Variants in SCARA5 observed in about 807,000 individuals in gnomAD.
SCARA5 encodes the protein scavenger receptor class A member 5.
SCARA5 carries 45 observed loss-of-function variants against 46.3 expected under a neutral mutation model. The observed-to-expected ratio is 0.97, with a 90% CI of 0.76 to 1.24. The LOEUF (loss-of-function observed/expected upper bound fraction) is 1.24, where lower values mean the gene tolerates loss of function less well. SCARA5 is among the 50% of genes most tolerant of loss of function. The pLI is 0.00. For synonymous variants in SCARA5, 333 were observed against 306.5 expected, an observed-to-expected ratio of 1.09 and a Z score of -0.90; for missense variants, 680 against 689.0, an observed-to-expected ratio of 0.99 and a Z score of 0.15.
At chr8:27,982,675 G>T (rs150818248) in intron 2 of SCARA5, among the ~76,000 whole-genome samples, 1 of 152,124 alleles carries the variant, frequency 6.6e-6, no homozygotes, top group Non-Finnish European at 1.5e-5. Context: ...AGGTGGCCCC[G>T]CCCAGGCATG....
At chr8:27,932,122 G>A (rs1807783936) in intron 3 of SCARA5, among the ~76,000 whole-genome samples, 1 of 152,102 alleles carries the variant, frequency 6.6e-6, no homozygotes, top group African/African-American at 2.4e-5. Context: ...TGGGACTACA[G>A]GCGTGCACCA....
rs1477928450 is a variant in SCARA5, at chr8:27,871,107, A to G, written c.*827T>C. ...GCACCCAAGCTTTTAGCTCAGGCCAAGTAAAGACAATAAGTTCAGGTGGGC... is the reference window on the plus strand; with the variant it reads ...GCACCCAAGCTTTTAGCTCAGGCCAGGTAAAGACAATAAGTTCAGGTGGGC... On this transcript the variant is annotated 3_prime_UTR_variant, in exon 9 of 9. Transcript: ENST00000354914. The G allele has an allele frequency of 1.3e-5, 2 of 152,254 alleles. No individual in the cohort carries two copies. Among genetic ancestry groups the G allele is most frequent in the African/African-American group, 4.8e-5 (2 of 41,458 alleles). The allele number at this position is 152,254 out of a possible 1,614,324, so 9.4% of individuals were successfully genotyped here.
intron 7 of SCARA5, among the ~76,000 whole-genome samples, chr8:27,881,486 G>A (rs1033866267): frequency 6.7e-6 from 1 of 149,986 alleles, no homozygotes; most frequent in African/African-American, 2.5e-5. Flanking sequence ...ACTTTTAAGT[G>A]GGAGCTAAAC....
chr8:27,969,289 C>T (rs568534785), intron 2 of SCARA5, among the ~76,000 whole-genome samples: 11 of 152,144 alleles, frequency 7.2e-5, no homozygotes, highest in Admixed American at 1.3e-4. Flanking sequence ...CAGGGCAAAA[C>T]GTATGCCTAC....
intron 3 of SCARA5, among the ~76,000 whole-genome samples, chr8:27,952,398 T>C (rs949676980): frequency 6.6e-6 from 1 of 151,824 alleles, no homozygotes; most frequent in Admixed American, 6.6e-5. Context: ...CATCTGGCAG[T>C]TGGAGATCAA....
chr8:27,905,955 C>T (rs1248158012), intron 6 of SCARA5, among the ~76,000 whole-genome samples: 1 of 152,142 alleles, frequency 6.6e-6, no homozygotes, highest in Admixed American at 6.5e-5. Flanking sequence ...AAGTGATCTG[C>T]CTGCCTTGGC....
chr8:27,966,542 C>T lies in SCARA5; in HGVS notation c.113G>A (p.Gly38Asp), dbSNP rs1339320098. The T allele has an allele frequency of 2.5e-6, 4 of 1,607,644 alleles. No homozygotes were observed. The highest frequency in any genetic ancestry group is 1.7e-5 in the Admixed American group (1 of 58,022). ...GCTTGCCCGCCGTTTGTGACATGGA[C>T]CTGGACAATAAGGGTAAGAGGAGGA... ...SLSKLNLCED[G>D]PCHKRRASIC... Residue 38 changes from glycine (G) to aspartate (D), a missense_variant and splice_region_variant, in exon 3 of 9, where the codon GGT becomes GAT. Coordinates refer to ENST00000354914, the MANE Select transcript of SCARA5 (RefSeq NM_173833.6).
In SCARA5 at chr8:27,907,619, G is replaced by A. The variant is rs555997243; in HGVS notation, c.998-373C>T. On this transcript the variant is annotated intron_variant, in intron 5 of 8. Transcript: ENST00000354914. ...AGACAAAGTCTCGCTCTGTCACCCA[G>A]GCTGGAGTGGCACGATCTCGGCTCA... 4.4e-5 allele frequency among the ~76,000 whole-genome samples: 6 copies of A among 136,600 alleles called. No homozygotes were observed. In the South Asian group the frequency reaches 1.4e-3, roughly 32 times the overall value. The allele number at this position is 136,600 out of a possible 152,430, so 89.6% of individuals were successfully genotyped here. A position where few individuals can be genotyped will look rare whatever the true frequency, so the allele number is the denominator to read the frequency against.
intron 7 of SCARA5, among the ~76,000 whole-genome samples, chr8:27,889,171 C>T (rs1379369408): frequency 6.6e-6 from 1 of 152,152 alleles, no homozygotes; most frequent in Admixed American, 6.5e-5. Context: ...AGCTGAGGCA[C>T]AGATGAGGCC....
intron 7 of SCARA5, among the ~76,000 whole-genome samples, chr8:27,886,738 T>C (rs1364102597): frequency 6.6e-6 from 1 of 152,212 alleles, no homozygotes; most frequent in Non-Finnish European, 1.5e-5. Flanking sequence ...GTTTAAATGC[T>C]GCTTTTTCCC....
intron 7 of SCARA5, among the ~76,000 whole-genome samples, chr8:27,897,925 T>C: frequency 6.6e-6 from 1 of 152,246 alleles, no homozygotes; most frequent in East Asian, 1.9e-4. Flanking sequence ...CAAATATTAG[T>C]GGCCCTGTTA....
intron 8 of SCARA5, among the ~76,000 whole-genome samples, chr8:27,874,957 G>C (rs1009858385): frequency 6.6e-6 from 1 of 152,038 alleles, no homozygotes; most frequent in East Asian, 1.9e-4. Context: ...CATCTTCAAG[G>C]CCCTCCCATT....
chr8:27,921,472 G>T, intron 4 of SCARA5, 99 bp downstream of exon 4: 1 of 1,009,936 alleles, frequency 9.9e-7, no homozygotes, highest in Non-Finnish European at 1.4e-6. Context: ...TGGGGATGGG[G>T]TGGGGCTGGG....
chr8:27,943,846 G>A (rs1807988967), intron 3 of SCARA5, among the ~76,000 whole-genome samples: 1 of 152,180 alleles, frequency 6.6e-6, no homozygotes, highest in Non-Finnish European at 1.5e-5. Context: ...GGCAATCAGT[G>A]TATTTACACA....
chr8:27,919,205 A>G lies in SCARA5; in HGVS notation c.916+2366T>C, dbSNP rs373446819. 3.8e-3 allele frequency among the ~76,000 whole-genome samples: 492 copies of G among 128,928 alleles called. 13 individuals are homozygous for G. The highest frequency in any genetic ancestry group is 0.016 in the African/African-American group (477 of 29,262). 84.6% of individuals were successfully genotyped at this position (128,928 alleles called of 152,430 possible). On this transcript the variant is annotated intron_variant, in intron 4 of 8. Coordinates refer to ENST00000354914, the MANE Select transcript of SCARA5 (RefSeq NM_173833.6). The stretch of plus-strand genomic sequence containing the variant: ...AAGAGGGGAAAGAGGAGGAGGAGGG[A>G]ATAGAGAAAGAAGAGAAGGAGGAGG...
Position 27,921,762 on chromosome 8 carries a change from C to T in SCARA5, c.725G>A (p.Arg242His), listed in dbSNP as rs377313427. Residue 242 changes from arginine to histidine, a missense_variant, in exon 4 of 9, where the codon CGC becomes CAC. Physicochemically the swap from Arg to His is conservative, Grantham distance 29. Around this residue, in one of 3 missense-constraint regions of SCARA5, gnomAD observed 438 missense variants for 384.5 expected, o/e 1.14. Transcript: ENST00000354914. ...HSLSYDVALH[R>H]TRLQDLRVLV... ...CACCCGCAGGTCCTGCAGCCGCGTG[C>T]GGTGGAGGGCCACGTCGTAGGACAG... is the stretch of plus-strand genomic sequence containing the variant. 3.8e-6 allele frequency: 6 copies of T among 1,579,084 alleles called. No homozygotes were observed. The highest frequency in any genetic ancestry group is 1.2e-5 in the South Asian group (1 of 86,772).
At chr8:27,879,887 T>C in intron 7 of SCARA5, 121 bp from the exon 8 acceptor site, 1 of 894,162 alleles carries the variant, frequency 1.1e-6, no homozygotes, top group South Asian at 1.6e-5. Flanking sequence ...CCCAGCTGTA[T>C]CAAGACTTCA....
intron 2 of SCARA5, among the ~76,000 whole-genome samples, chr8:27,986,141 C>A (rs1306595967): frequency 6.6e-6 from 1 of 152,216 alleles, no homozygotes; most frequent in Non-Finnish European, 1.5e-5. Flanking sequence ...TTCCCCTTTG[C>A]GGATGGACTG....
chr8:27,914,830 C>T (rs1002648132), intron 4 of SCARA5, among the ~76,000 whole-genome samples: 4 of 152,164 alleles, frequency 2.6e-5, no homozygotes, highest in African/African-American at 9.6e-5. Flanking sequence ...GAAGCATCTT[C>T]CCAGTGGGAC....
Sources: gnomAD v4.1 joint callset for allele counts (sites outside exome capture counted in the v4.1 genomes callset) on GRCh38, gnomAD v4.1.1 for gene constraint, gnomAD v4.1.1 regional missense constraint, MANE v1.5 for transcripts, NCBI Gene and HGNC (gene_info 2026-07-23, HGNC 2026-07-21) for gene names.